The following TMTC2 variants were observed in gnomAD, a reference collection of about 807,000 sequenced individuals.
TMTC2 encodes transmembrane O-mannosyltransferase targeting cadherins 2.
A neutral mutation model predicts 82.4 loss-of-function variants in TMTC2; 43 were observed. The observed-to-expected ratio is 0.52, with a 90% CI of 0.41 to 0.67. The LOEUF is 0.67. TMTC2 is among the 30% of genes least tolerant of loss of function. The pLI is 0.00. For missense variants in TMTC2, 919 were observed against 1,012.4 expected (o/e 0.91, Z 1.25); for synonymous variants, 408 against 381.9 (o/e 1.07, Z -0.80).
At chr12:82,929,114 G>A (rs747853011) in intron 3 of TMTC2, among the ~76,000 whole-genome samples, 1 of 151,878 alleles carries the variant, frequency 6.6e-6, no homozygotes, top group Non-Finnish European at 1.5e-5. Context: ...TCACTCTGTC[G>A]CCCAGGCTTG....
At position 82,966,993 on chromosome 12, in the gene TMTC2, G is replaced by A; in HGVS notation, c.1944G>A (p.Met648Ile). The A allele has an allele frequency of 6.2e-7, 1 of 1,612,094 alleles. No individual in the cohort carries two copies. Among genetic ancestry groups the A allele is most frequent in the Non-Finnish European group, 8.5e-7 (1 of 1,178,618 alleles). Reference protein sequence around the residue: ...RQFAPQSLYNMMGEAYMRLSK... With the variant: ...RQFAPQSLYNIMGEAYMRLSK... ...TTGCCCCACAGAGCTTGTACAACAT[G>A]ATGGGTAAGTAAAACATTAACACTT... The change falls in exon 7 of 12, where the codon ATG becomes ATA. Residue 648 changes from methionine (M) to isoleucine (I), a missense_variant. By Grantham distance (10) the Met-to-Ile change is conservative (BLOSUM62 1). Transcript: ENST00000321196.
At chr12:82,874,626 A>G (rs1872385541) in intron 2 of TMTC2, among the ~76,000 whole-genome samples, 1 of 152,172 alleles carries the variant, frequency 6.6e-6, no homozygotes, top group Admixed American at 6.6e-5. Flanking sequence ...TACATTTAAA[A>G]TAATACCCCC....
intron 1 of TMTC2, among the ~76,000 whole-genome samples, chr12:82,774,448 C>T (rs1401261549): frequency 6.6e-6 from 1 of 151,876 alleles, no homozygotes; most frequent in African/African-American, 2.4e-5. Context: ...TGGTGAAACC[C>T]TGTATCTACC....
chr12:82,820,518 G>A (rs1199082213), intron 1 of TMTC2, among the ~76,000 whole-genome samples: 1 of 151,924 alleles, frequency 6.6e-6, no homozygotes, highest in South Asian at 2.1e-4. Context: ...GGGACTACAG[G>A]TGTGTGCCAC....
In TMTC2 at chr12:82,971,021, G is replaced by A. The variant is rs530239030; in HGVS notation, c.1948+4024G>A. Among the ~76,000 whole-genome samples, 5 of 152,080 alleles carry A rather than the reference G, an allele frequency of 3.3e-5. No homozygotes were observed. The South Asian group carries it at 8.3e-4, about 25-fold the overall frequency. On this transcript the variant is annotated intron_variant, in intron 7 of 11. Coordinates refer to ENST00000321196, the MANE Select transcript of TMTC2 (RefSeq NM_152588.3). The stretch of plus-strand genomic sequence containing the variant: ...TTATTCTGTATTCTATTGCTCAGAG[G>A]CATTTATTGGATCTCAGTTTCTCTT...
chr12:83,059,196 T>C (rs946984977), intron 10 of TMTC2, among the ~76,000 whole-genome samples: 4 of 151,946 alleles, frequency 2.6e-5, no homozygotes, highest in East Asian at 1.9e-4. Flanking sequence ...TCTAAGCAAC[T>C]GGCAGAATAC....
intron 9 of TMTC2, among the ~76,000 whole-genome samples, chr12:83,046,099 C>T (rs1882115465): frequency 6.6e-6 from 1 of 152,114 alleles, no homozygotes; most frequent in Non-Finnish European, 1.5e-5. Context: ...CTAAAACATG[C>T]CTCGGTATCT....
intron 1 of TMTC2, among the ~76,000 whole-genome samples, chr12:82,752,831 G>A (rs1198488370): frequency 6.6e-6 from 1 of 151,964 alleles, no homozygotes; most frequent in African/African-American, 2.4e-5. Context: ...GCAACACATT[G>A]AGTCACATCT....
At chr12:82,993,930 T>A (rs1055888628) in intron 8 of TMTC2, among the ~76,000 whole-genome samples, 2 of 151,946 alleles carry the variant, frequency 1.3e-5, no homozygotes, top group Non-Finnish European at 2.9e-5. Context: ...GATGGGAGTT[T>A]TATAAGGCTG....
chr12:82,811,923 TCTC>T (rs1328825554), intron 1 of TMTC2, among the ~76,000 whole-genome samples: 3 of 150,528 alleles, frequency 2.0e-5, no homozygotes, highest in African/African-American at 7.3e-5. Context: ...TTCAAGCAAT[TCTC>T]CTGCTTCAGT....
At chr12:83,033,010 G>A (rs542110879) in intron 9 of TMTC2, among the ~76,000 whole-genome samples, 2 of 152,220 alleles carry the variant, frequency 1.3e-5, no homozygotes, top group South Asian at 2.1e-4. Context: ...ATTTTCTAAA[G>A]GAGGAATGAC....
At chr12:83,109,630 A>T (rs1222723331) in intron 11 of TMTC2, among the ~76,000 whole-genome samples, 1 of 152,182 alleles carries the variant, frequency 6.6e-6, no homozygotes. Context: ...CAGGACTTAC[A>T]GTCTATGGAA....
chr12:82,928,489 T>C (rs1875843949), intron 3 of TMTC2, among the ~76,000 whole-genome samples: 1 of 152,238 alleles, frequency 6.6e-6, no homozygotes, highest in Non-Finnish European at 1.5e-5. Flanking sequence ...AGTAGTTTAA[T>C]TTGACAATAT....
At chr12:82,801,461 CT>C (rs1878995051) in intron 1 of TMTC2, among the ~76,000 whole-genome samples, 1 of 152,108 alleles carries the variant, frequency 6.6e-6, no homozygotes. Flanking sequence ...CTTGGGCAGC[CT>C]GCTTTTATTC....
intron 2 of TMTC2, among the ~76,000 whole-genome samples, chr12:82,892,061 G>GTT (rs969854634): frequency 1.3e-5 from 2 of 152,120 alleles, no homozygotes; most frequent in African/African-American, 4.8e-5. Context: ...GCAAGACCCT[G>GTT]TCTTAAAAAT....
intron 8 of TMTC2, among the ~76,000 whole-genome samples, chr12:83,002,408 T>C (rs1879968574): frequency 6.6e-6 from 1 of 152,200 alleles, no homozygotes; most frequent in African/African-American, 2.4e-5. Context: ...ACCAGTTGTT[T>C]GTTTCACTGA....
intron 1 of TMTC2, among the ~76,000 whole-genome samples, chr12:82,776,901 C>G (rs7308736): frequency 0.13 from 20,342 of 152,120 alleles, 1,525 homozygotes; most frequent in Middle Eastern, 0.21. Context: ...TCATGCCACT[C>G]TACTCCAACC....
rs563788049 is a variant in TMTC2 at position 82,896,067 on chromosome 12, C to T, written c.904C>T (p.Leu302Phe). The change falls in exon 3 of 12, where the codon CTC becomes TTC. Residue 302 changes from leucine (L) to phenylalanine (F), a missense_variant. Coordinates refer to ENST00000321196, the MANE Select transcript of TMTC2 (RefSeq NM_152588.3). ...TTGGTCAATGGATGCTGTGCCTCTG[C>T]TCAAAACAGTTTGTGACTGGAGAAA... is the stretch of plus-strand genomic sequence containing the variant. ...FDWSMDAVPLLKTVCDWRNLH... is the reference protein window; with the variant it reads ...FDWSMDAVPLFKTVCDWRNLH... 6.2e-7 allele frequency: 1 copy of T among 1,614,004 alleles called. No homozygotes were observed. Among genetic ancestry groups the T allele is most frequent in the South Asian group, 1.1e-5 (1 of 91,076 alleles).
intron 8 of TMTC2, among the ~76,000 whole-genome samples, chr12:83,002,437 G>A (rs528421761): frequency 6.6e-6 from 1 of 151,986 alleles, no homozygotes; most frequent in Admixed American, 6.5e-5. Context: ...ATGGATTTTT[G>A]TGACTCAATT....
Sources: gnomAD v4.1 joint callset for allele counts (sites outside exome capture counted in the v4.1 genomes callset) on GRCh38, gnomAD v4.1.1 for gene constraint, MANE v1.5 for transcripts, NCBI Gene and HGNC (gene_info 2026-07-23, HGNC 2026-07-21) for gene names.